PLEKHA2: variants seen among roughly 807,000 people sequenced by gnomAD.
PLEKHA2 encodes pleckstrin homology domain containing A2.
Under a neutral mutation model 53.2 loss-of-function variants are expected in PLEKHA2, and 28 were observed. The observed-to-expected ratio is 0.53, with a 90% CI of 0.39 to 0.72. PLEKHA2 has a LOEUF of 0.72. PLEKHA2 is among the 30% of genes least tolerant of loss of function. PLEKHA2 has a pLI of 0.00. For missense variants in PLEKHA2, 426 were observed against 537.9 expected, an observed-to-expected ratio of 0.79 and a Z score of 2.06; for synonymous variants, 193 against 196.4, an observed-to-expected ratio of 0.98 and a Z score of 0.14.
intron 10 of PLEKHA2, among the ~76,000 whole-genome samples, chr8:38,963,104 A>G (rs1384441576): frequency 2.6e-5 from 4 of 152,214 alleles, no homozygotes; most frequent in Non-Finnish European, 5.9e-5. Flanking sequence ...CATTGTATCT[A>G]TTATAGTGCT....
chr8:38,927,138 C>T (rs1349983724), intron 2 of PLEKHA2, among the ~76,000 whole-genome samples: 1 of 152,156 alleles, frequency 6.6e-6, no homozygotes, highest in Non-Finnish European at 1.5e-5. Context: ...TTTTGCTTTA[C>T]ATTTTAACCT....
intron 11 of PLEKHA2, among the ~76,000 whole-genome samples, chr8:38,969,154 G>C (rs571454578): frequency 3.8e-4 from 58 of 152,234 alleles, no homozygotes; most frequent in African/African-American, 1.3e-3. Context: ...ACTTGCCTCG[G>C]GCTCCCAAAG....
intron 4 of PLEKHA2, among the ~76,000 whole-genome samples, chr8:38,945,631 G>A (rs894546608): frequency 2.0e-5 from 3 of 152,178 alleles, no homozygotes; most frequent in African/African-American, 7.2e-5. Context: ...GGAAAGAACA[G>A]GTTGAGAGTG....
At position 38,950,899 on chromosome 8, in the gene PLEKHA2, T is replaced by C; in HGVS notation, c.395T>C (p.Leu132Ser). The C allele has an allele frequency of 6.2e-7, 1 of 1,613,952 alleles. No individual in the cohort carries two copies. Among genetic ancestry groups the C allele is most frequent in the Non-Finnish European group, 8.5e-7 (1 of 1,179,876 alleles). ...ATGACCACTGAAGTTCTCAAGAGCT[T>C]AGCAGCTCCTCCAGCCCTGGAGAAG... Reference protein sequence around the residue: ...LPMTTEVLKSLAAPPALEKKP... With the variant: ...LPMTTEVLKSSAAPPALEKKP... Residue 132 changes from leucine (L) to serine (S), a missense_variant, in exon 6 of 12, where the codon TTA (leucine) becomes TCA (serine). Coordinates refer to ENST00000617275, the MANE Select transcript of PLEKHA2 (RefSeq NM_021623.2).
At chr8:38,904,741 C>G (rs945963302) in intron 1 of PLEKHA2, among the ~76,000 whole-genome samples, 2 of 152,164 alleles carry the variant, frequency 1.3e-5, no homozygotes, top group Non-Finnish European at 2.9e-5. Flanking sequence ...ATCCCAGAGT[C>G]GCAGCTTTTT....
At chr8:38,961,991 T>C (rs1323439486) in intron 10 of PLEKHA2, among the ~76,000 whole-genome samples, 1 of 152,232 alleles carries the variant, frequency 6.6e-6, no homozygotes, top group Non-Finnish European at 1.5e-5. Context: ...GTTTATCACT[T>C]TGTAGTATAA....
chr8:38,926,596 T>G (rs943135888), intron 2 of PLEKHA2, among the ~76,000 whole-genome samples: 6 of 152,128 alleles, frequency 3.9e-5, no homozygotes, highest in African/African-American at 1.2e-4. Flanking sequence ...TTAAACAAGT[T>G]GTATCTTTAT....
At chr8:38,926,802 C>T (rs1039075906) in intron 2 of PLEKHA2, among the ~76,000 whole-genome samples, 1 of 152,140 alleles carries the variant, frequency 6.6e-6, no homozygotes, top group Non-Finnish European at 1.5e-5. Context: ...TGGTGGCAAG[C>T]TACTCAGGAG....
intron 10 of PLEKHA2, among the ~76,000 whole-genome samples, chr8:38,968,170 A>C (rs1835175664): frequency 6.6e-6 from 1 of 152,160 alleles, no homozygotes; most frequent in African/African-American, 2.4e-5. Flanking sequence ...GTTACAGTGG[A>C]AAGGCAACTA....
chr8:38,943,803 C>A lies in PLEKHA2; in HGVS notation c.213C>A (p.Thr71=), dbSNP rs1223119673. The A allele has an allele frequency of 1.3e-6, 2 of 1,577,342 alleles. No individual in the cohort carries two copies. The highest frequency in any genetic ancestry group is 1.8e-5 in the Admixed American group (1 of 54,310). The change falls in exon 4 of 12, where the codon ACC becomes ACA. Residue 71 remains threonine (T), a synonymous_variant. Transcript: ENST00000617275. ...LTYISKVSIA[T]PKQKPKTPFC... Reference sequence around the variant, plus strand: ...ATTTGATTTAGGTGAGCATAGCTACCCCAAAACAGAAACCAAAAACTCCAT... The same window carrying A: ...ATTTGATTTAGGTGAGCATAGCTACACCAAAACAGAAACCAAAAACTCCAT...
intron 2 of PLEKHA2, among the ~76,000 whole-genome samples, chr8:38,931,162 C>T (rs1834385799): frequency 6.6e-6 from 1 of 152,136 alleles, no homozygotes; most frequent in Non-Finnish European, 1.5e-5. Flanking sequence ...TCTGTAATCC[C>T]AGCTACTCAG....
intron 2 of PLEKHA2, among the ~76,000 whole-genome samples, chr8:38,921,763 C>T (rs1250229785): frequency 1.3e-5 from 2 of 152,184 alleles, no homozygotes; most frequent in Non-Finnish European, 1.5e-5. Context: ...TATGTTTTCC[C>T]AGGAAGCAGT....
At position 38,926,615 on chromosome 8, in the gene PLEKHA2, G is replaced by A. The variant is rs575047065; in HGVS notation, c.141+8545G>A. On this transcript the variant is annotated intron_variant, in intron 2 of 11. Coordinates refer to ENST00000617275, the MANE Select transcript of PLEKHA2 (RefSeq NM_021623.2). ...ACAAGTTGTATCTTTATAACAGGAT[G>A]TACTTTGTCTAAATTAAAAAAAATT... Among the ~76,000 whole-genome samples the A allele has an allele frequency of 1.3e-3, 199 of 152,210 alleles. 1 individual carries two copies. The highest frequency in any genetic ancestry group is 4.7e-3 in the African/African-American group (196 of 41,542).
rs557334604 is a variant in PLEKHA2 at position 38,971,987 on chromosome 8, T to C, written c.*2204T>C. 6.6e-6 allele frequency: 1 copy of C among 152,284 alleles called. No homozygotes were observed. Among genetic ancestry groups the C allele is most frequent in the South Asian group, 2.1e-4 (1 of 4,832 alleles). 9.4% of individuals were successfully genotyped at this position (152,284 alleles called of 1,614,324 possible). On this transcript the variant is annotated 3_prime_UTR_variant, in exon 12 of 12. Transcript: ENST00000617275. ...TGATAGGTTACTATTGCTAAATTAATTGGCCATTATAATAAGCTGATTTGT... is the reference window on the plus strand; with the variant it reads ...TGATAGGTTACTATTGCTAAATTAACTGGCCATTATAATAAGCTGATTTGT...
chr8:38,920,199 A>G (rs7016213), intron 2 of PLEKHA2, among the ~76,000 whole-genome samples: 3,542 of 150,738 alleles, frequency 0.023, 63 homozygotes, highest in African/African-American at 0.041. Context: ...TGCCCAGGCT[A>G]GAGTGCAGTG....
chr8:38,965,019 C>T (rs1428271499), intron 10 of PLEKHA2, among the ~76,000 whole-genome samples: 2 of 150,770 alleles, frequency 1.3e-5, no homozygotes, highest in Admixed American at 6.6e-5. Context: ...AGTATCCAGC[C>T]GATTTTAATT....
At chr8:38,969,064 G>GT (rs1835193192) in intron 11 of PLEKHA2, 8 of 276,478 alleles carry the variant, frequency 2.9e-5, no homozygotes, top group Non-Finnish European at 3.9e-5. Flanking sequence ...ACGCCCAGCT[G>GT]ATTTTTTTGT....
At chr8:38,965,761 G>A (rs1047303933) in intron 10 of PLEKHA2, among the ~76,000 whole-genome samples, 8 of 152,110 alleles carry the variant, frequency 5.3e-5, no homozygotes, top group Non-Finnish European at 8.8e-5. Flanking sequence ...GTAAATGGTG[G>A]CGTTTAAGGC....
chr8:38,950,228 C>T (rs1000858642), intron 5 of PLEKHA2, among the ~76,000 whole-genome samples: 2 of 151,860 alleles, frequency 1.3e-5, no homozygotes, highest in Admixed American at 1.3e-4. Context: ...GAGATGGGAT[C>T]TCACTATGTT....
Sources: allele counts gnomAD v4.1 joint callset (sites outside exome capture counted in the v4.1 genomes callset), GRCh38; gene constraint gnomAD v4.1.1; transcripts MANE v1.5; gene names NCBI Gene and HGNC (gene_info 2026-07-23, HGNC 2026-07-21).